Variants in JAG1 observed in about 807,000 individuals in gnomAD.
JAG1 encodes jagged canonical Notch ligand 1.
In JAG1, 23 loss-of-function variants were observed where a neutral mutation model predicts 148.7. The observed-to-expected ratio is 0.15, with a 90% CI of 0.11 to 0.22. The LOEUF (loss-of-function observed/expected upper bound fraction) is 0.22, where lower values mean the gene tolerates loss of function less well. JAG1 is among the 10% of genes least tolerant of loss of function. The probability of loss-of-function intolerance (pLI) is 1.00; values close to 1 mark genes in which losing one functional copy is unlikely to be tolerated. For synonymous variants in JAG1, 572 were observed against 598.3 expected, an observed-to-expected ratio of 0.96 and a Z score of 0.64; for missense variants, 1,054 against 1,611.2, an observed-to-expected ratio of 0.65 and a Z score of 5.92.
intron 3 of JAG1, among the ~76,000 whole-genome samples, chr20:10,663,251 G>A (rs1303280337): frequency 6.6e-6 from 1 of 152,162 alleles, no homozygotes; most frequent in East Asian, 1.9e-4. Context: ...GGCAAAAAGG[G>A]AACTTGAAGT....
At chr20:10,643,398 G>A (rs3817996) in intron 20 of JAG1, among the ~76,000 whole-genome samples, 31,798 of 152,090 alleles carry the variant, frequency 0.21, 3,905 homozygotes, top group Non-Finnish European at 0.27. Flanking sequence ...AGCCACAGTC[G>A]TCCTCCCTTC....
Position 10,645,958 on chromosome 20 carries a change from G to C in JAG1, c.1999+13C>G. On this transcript the variant is annotated intron_variant, in intron 15 of 25. Transcript: ENST00000254958. The surrounding 1 kb of genome is among the most constrained non-coding windows in gnomAD (Gnocchi z 6.1). ...CATACATCCCAGAGCTCCCCAAAGA[G>C]TGGCAGACTCACTGGTTTCACAGTA... 6.4e-7 allele frequency: 1 copy of C among 1,555,390 alleles called. No homozygotes were observed.
chr20:10,658,834 G>GT (rs746240910), intron 3 of JAG1, 112 bp from the exon 4 acceptor site: 313 of 1,209,660 alleles, frequency 2.6e-4, no homozygotes, highest in Non-Finnish European at 3.6e-4. Flanking sequence ...TCTATCTGTT[G>GT]TAAAAAAGGC....
chr20:10,641,188 A>G lies in JAG1; in HGVS notation c.2973T>C (p.Asn991=), dbSNP rs1317729135. The part of the protein sequence containing the change: ...SELRNLNILK[N]VSAEYSIYIA... ...TGTAGATTGAATATTCAGCGGAAAC[A>G]TTCTTCAAAATATTCAAATTCCTCA... Residue 991 remains asparagine (N), a synonymous_variant, in exon 24 of 26, where the codon AAT becomes AAC. Coordinates refer to ENST00000254958, the MANE Select transcript of JAG1 (RefSeq NM_000214.3). 2 of 1,613,990 alleles carry G rather than the reference A, an allele frequency of 1.2e-6. No individual in the cohort carries two copies. Among genetic ancestry groups the G allele is most frequent in the South Asian group, 1.1e-5 (1 of 91,086 alleles).
intron 2 of JAG1, among the ~76,000 whole-genome samples, chr20:10,665,560 A>C (rs2067448259): frequency 6.6e-6 from 1 of 152,160 alleles, no homozygotes; most frequent in African/African-American, 2.4e-5. Flanking sequence ...ACTCTTCCCT[A>C]AGAGCAGCAA....
Position 10,673,077 on chromosome 20 carries a change from C to T in JAG1, c.82-71G>A, listed in dbSNP as rs2067509072. 2 of 1,396,720 alleles carry T rather than the reference C, an allele frequency of 1.4e-6. No homozygotes were observed. Among genetic ancestry groups the T allele is most frequent in the African/African-American group, 1.4e-5 (1 of 70,614 alleles). The allele number at this position is 1,396,720 out of a possible 1,614,324, so 86.5% of individuals were successfully genotyped here. On this transcript the variant is annotated intron_variant, in intron 1 of 25. Transcript: ENST00000254958. The surrounding 1 kb of genome is among the most constrained non-coding windows in gnomAD (Gnocchi z 4.7). ...TTCTTCGAGTATAGAGGTGGCGACT[C>T]CCTCCCACTCCCCGCCCCGACGAGC...
intron 18 of JAG1, 188 bp downstream of exon 18, chr20:10,644,675 C>T: frequency 1.5e-6 from 1 of 656,190 alleles, no homozygotes; most frequent in Admixed American, 2.2e-5. Flanking sequence ...CATCTGTCTC[C>T]ACTTATCTTA....
chr20:10,658,857 A>G, intron 3 of JAG1, 135 bp from the exon 4 acceptor site: 1 of 932,100 alleles, frequency 1.1e-6, no homozygotes, highest in Non-Finnish European at 1.7e-6. Flanking sequence ...AGAAATGAAA[A>G]GTTTATGCCC....
At chr20:10,672,673 C>T (rs1172938423) in intron 2 of JAG1, 28 bp downstream of exon 2, 1 of 1,609,406 alleles carries the variant, frequency 6.2e-7, no homozygotes, top group East Asian at 2.2e-5. Flanking sequence ...GAGGCTCCGC[C>T]CGGCCTCCTT....
Position 10,658,694 on chromosome 20 carries a change from A to G in JAG1, c.468T>C (p.Ser156=), listed in dbSNP as rs2122623838. 2 of 1,614,236 alleles carry G rather than the reference A, an allele frequency of 1.2e-6. No homozygotes were observed. Among genetic ancestry groups the G allele is most frequent in the Non-Finnish European group, 1.7e-6 (2 of 1,180,040 alleles). ...GGCTGGGGTTGATCATGCCCGAGTG[A>G]GAAGCCTTTTCAATAATACTGTCAG... ...VQPDSIIEKA[S]HSGMINPSRQ... Residue 156 remains serine, a synonymous_variant, in exon 4 of 26, where the codon TCT becomes TCC. Coordinates refer to ENST00000254958, the MANE Select transcript of JAG1 (RefSeq NM_000214.3).
At chr20:10,643,416 A>G (rs1291671065) in intron 20 of JAG1, among the ~76,000 whole-genome samples, 1 of 152,170 alleles carries the variant, frequency 6.6e-6, no homozygotes, top group Non-Finnish European at 1.5e-5. Flanking sequence ...TTCCGTTTGT[A>G]TTAGCTTTAT....
Position 10,639,552 on chromosome 20 carries a change from G to A in JAG1, c.3603C>T (p.Asp1201=). Reference sequence around the variant, plus strand: ...TCTGGGCACTTTCCAAGTCTCTGTTGTCCTGTTTGTTTGTCCAGTTTGGGT... The same window carrying A: ...TCTGGGCACTTTCCAAGTCTCTGTTATCCTGTTTGTTTGTCCAGTTTGGGT... The part of the protein sequence containing the change: ...TKHPNWTNKQ[D]NRDLESAQSL... The change falls in exon 26 of 26, where the codon GAC becomes GAT. Residue 1201 remains aspartate, a synonymous_variant. Transcript: ENST00000254958. 6.2e-7 allele frequency: 1 copy of A among 1,614,164 alleles called. No homozygotes were observed. The highest frequency in any genetic ancestry group is 1.1e-5 in the South Asian group (1 of 91,080).
rs1237563309 is a variant in JAG1 at position 10,656,469 on chromosome 20, CAG to C, written c.695-13_695-12del. On this transcript the variant is annotated splice_polypyrimidine_tract_variant and intron_variant, in intron 4 of 25. Transcript: ENST00000254958. ...CTTGTCGGCAAATAGCTGTAAAAAACAGAGAAGGGCGTGTCAGCACACTGCCT... is the reference window on the plus strand; with the variant it reads ...CTTGTCGGCAAATAGCTGTAAAAAACAGAAGGGCGTGTCAGCACACTGCCT... 2 of 1,613,214 alleles carry C rather than the reference CAG, an allele frequency of 1.2e-6. No individual in the cohort carries two copies. Among genetic ancestry groups the C allele is most frequent in the African/African-American group, 1.3e-5 (1 of 75,026 alleles).
At chr20:10,644,461 A>T in intron 18 of JAG1, 77 bp from the exon 19 acceptor site, 1 of 1,119,006 alleles carries the variant, frequency 8.9e-7, no homozygotes, top group Non-Finnish European at 1.4e-6. Flanking sequence ...ACCACCACTT[A>T]TTTTCCTAAT....
In JAG1 at chr20:10,645,011, C is replaced by T. The variant is rs1213221267; in HGVS notation, c.2228-32G>A. The T allele has an allele frequency of 3.8e-6, 6 of 1,573,832 alleles. No homozygotes were observed. Among genetic ancestry groups the T allele is most frequent in the Non-Finnish European group, 5.2e-6 (6 of 1,143,474 alleles). On this transcript the variant is annotated intron_variant, in intron 17 of 25. Coordinates refer to ENST00000254958, the MANE Select transcript of JAG1 (RefSeq NM_000214.3). The surrounding 1 kb of genome is among the most constrained non-coding windows in gnomAD (Gnocchi z 6.1). ...AAGAAGAGCAGACACGACCACCCTC[C>T]CTGAGTATCCAGAAACAGTCTGGAG...
chr20:10,653,818 C>T (rs553799787), intron 5 of JAG1, among the ~76,000 whole-genome samples: 65 of 152,282 alleles, frequency 4.3e-4, no homozygotes, highest in Non-Finnish European at 7.6e-4. Flanking sequence ...TAATCACCCA[C>T]GGCTGAGAGT....
At chr20:10,643,944 A>G in intron 19 of JAG1, 81 bp from the exon 20 acceptor site, 1 of 1,011,402 alleles carries the variant, frequency 9.9e-7, no homozygotes, top group Non-Finnish European at 1.5e-6. Flanking sequence ...TCACCACACC[A>G]GTTACAGTCA....
intron 20 of JAG1, among the ~76,000 whole-genome samples, chr20:10,642,807 T>C (rs568554610): frequency 1.3e-5 from 2 of 152,360 alleles, no homozygotes; most frequent in Admixed American, 1.3e-4. Flanking sequence ...TCCTGAGTTC[T>C]AACAGTGGAG....
chr20:10,639,354 T>C lies in JAG1; in HGVS notation c.*144A>G, dbSNP rs1158449425. 3 of 811,136 alleles carry C rather than the reference T, an allele frequency of 3.7e-6. No individual in the cohort carries two copies. Among genetic ancestry groups the C allele is most frequent in the Admixed American group, 1.8e-5 (1 of 55,080 alleles). The allele number at this position is 811,136 out of a possible 1,614,324, so 50.2% of individuals were successfully genotyped here. A position where few individuals can be genotyped will look rare whatever the true frequency, so the allele number is the denominator to read the frequency against. On this transcript the variant is annotated 3_prime_UTR_variant, in exon 26 of 26. Coordinates refer to ENST00000254958, the MANE Select transcript of JAG1 (RefSeq NM_000214.3). ...TCCCAGCCAACCACAGAAACTACCA[T>C]TGCCAGTGTAAGCCAGCTTGTCAAA...
Sources: allele counts gnomAD v4.1 joint callset (sites outside exome capture counted in the v4.1 genomes callset), GRCh38; gene constraint gnomAD v4.1.1; non-coding constraint Gnocchi (gnomAD v3.1); transcripts MANE v1.5; gene names NCBI Gene and HGNC (gene_info 2026-07-23, HGNC 2026-07-21).